The following DST variants were observed in gnomAD, a reference collection of about 807,000 sequenced individuals.
DST encodes the protein bullous pemphigoid antigen.
In DST, 253 loss-of-function variants were observed where a neutral mutation model predicts 875.2. The ratio of observed to expected loss-of-function variants is 0.29; its 90% CI spans 0.26 to 0.32. The LOEUF (loss-of-function observed/expected upper bound fraction) is 0.32, where lower values mean the gene tolerates loss of function less well. Ranked by LOEUF, DST falls within the 10% of genes least tolerant of loss-of-function variation. The probability of loss-of-function intolerance (pLI) is 1.00; values close to 1 mark genes in which losing one functional copy is unlikely to be tolerated. For synonymous variants in DST, 3,124 were observed against 3,197.1 expected (o/e 0.98, Z 0.77); for missense variants, 8,287 against 9,111.6 (o/e 0.91, Z 3.68).
intron 9 of DST, among the ~76,000 whole-genome samples, chr6:56,687,797 A>G (rs2099198224): frequency 6.6e-6 from 1 of 152,086 alleles, no homozygotes; most frequent in South Asian, 2.1e-4. Context: ...AAAAAAAAAA[A>G]AGTGTGAAAA....
Position 56,553,317 on chromosome 6 carries a change from T to G in DST, c.15475A>C (p.Asn5159His). Residue 5159 changes from asparagine to histidine, a missense_variant, in exon 61 of 104, where the codon AAC (asparagine) becomes CAC (histidine). Physicochemically the swap from Asn to His is moderately conservative, Grantham distance 68. Around this residue, in one of 10 missense-constraint regions of DST, gnomAD observed 1,513 missense variants for 1,677.8 expected, o/e 0.90. Transcript: ENST00000680361. Reference sequence around the variant, plus strand: ...TTTTCCAATGACTCTTTTAACTTGTTTTCTCTTTCTTTCACCTGCTTATTA... The same window carrying G: ...TTTTCCAATGACTCTTTTAACTTGTGTTCTCTTTCTTTCACCTGCTTATTA... ...TFNKQVKERE[N>H]KLKESLEKAL... 6.2e-7 allele frequency: 1 copy of G among 1,612,834 alleles called. No homozygotes were observed. The highest frequency in any genetic ancestry group is 8.5e-7 in the Non-Finnish European group (1 of 1,179,720).
At chr6:56,501,040 G>A (rs1304976307) in intron 80 of DST, 40 bp downstream of exon 80, 8 of 1,591,218 alleles carry the variant, frequency 5.0e-6, no homozygotes, top group South Asian at 3.4e-5. Flanking sequence ...CACTAGAAAT[G>A]GACAGAGAAG....
At chr6:56,616,756 G>C (rs568676929) in intron 36 of DST, 2 of 1,614,174 alleles carry the variant, frequency 1.2e-6, no homozygotes, top group South Asian at 2.2e-5. Context: ...CTTTTTGTCT[G>C]TCAAGCATTC....
In DST at chr6:56,606,545, C is replaced by A; in HGVS notation, c.8083G>T (p.Val2695Phe). ...AHCLQDFLMD[V>F]EKDELDSGEK... ...CCAGAATCTAATTCATCTTTCTCAA[C>A]ATCCATAAGGAAATCCTGAAGACAA... The change falls in exon 40 of 104, where the codon GTT (valine) becomes TTT (phenylalanine). Residue 2695 changes from valine to phenylalanine, a missense_variant. Physicochemically the swap from Val to Phe is conservative, Grantham distance 50. Coordinates refer to ENST00000680361, the MANE Select transcript of DST (RefSeq NM_001374736.1). 1.2e-6 allele frequency: 2 copies of A among 1,613,504 alleles called. No homozygotes were observed. Among genetic ancestry groups the A allele is most frequent in the Non-Finnish European group, 1.7e-6 (2 of 1,179,598 alleles).
chr6:56,650,595 G>A (rs1436197885), intron 12 of DST, among the ~76,000 whole-genome samples: 1 of 152,052 alleles, frequency 6.6e-6, no homozygotes, highest in African/African-American at 2.4e-5. Context: ...ACATACAAAA[G>A]AATAGCAAAT....
Position 56,528,910 on chromosome 6 carries a change from T to C in DST, c.17611A>G (p.Ile5871Val), listed in dbSNP as rs775689042. 5.7e-6 allele frequency: 9 copies of C among 1,583,880 alleles called. No individual in the cohort carries two copies. The South Asian group carries it at 6.9e-5, about 12-fold the overall frequency. The change falls in exon 67 of 104, where the codon ATC becomes GTC. Residue 5871 changes from isoleucine to valine, a missense_variant. Ile to Val is a conservative substitution (Grantham distance 29). Transcript: ENST00000680361. ...QSELRVLQEDILLRKQNVDQA... is the reference protein window; with the variant it reads ...QSELRVLQEDVLLRKQNVDQA... ...TCTACATTTTGTTTCCTGAGTAAGA[T>C]GTCCTCTTGCAGAACCTGAAAACAC...
At chr6:56,524,449 C>G (rs2152502394) in intron 69 of DST, among the ~76,000 whole-genome samples, 1 of 152,064 alleles carries the variant, frequency 6.6e-6, no homozygotes, top group Admixed American at 6.6e-5. Flanking sequence ...AAGGGTTTTT[C>G]TCTATATATA....
chr6:56,728,394 T>C (rs1275294130), intron 5 of DST, among the ~76,000 whole-genome samples: 5 of 152,230 alleles, frequency 3.3e-5, no homozygotes, highest in South Asian at 2.1e-4. Context: ...AAAAAGGCTA[T>C]AGAAACTGTT....
chr6:56,512,079 C>T (rs956258860), intron 72 of DST, among the ~76,000 whole-genome samples: 18 of 152,170 alleles, frequency 1.2e-4, no homozygotes, highest in African/African-American at 4.1e-4. Context: ...TATAGACACA[C>T]ATATGAATGA....
At chr6:56,560,165 T>A in intron 58 of DST, 129 bp downstream of exon 58, 1 of 951,228 alleles carries the variant, frequency 1.1e-6, no homozygotes, top group Non-Finnish European at 1.5e-6. Context: ...ATGCAAAAAA[T>A]AGATTCTGAA....
At chr6:56,846,908 T>C (rs1418207252) in intron 4 of DST, among the ~76,000 whole-genome samples, 7 of 143,626 alleles carry the variant, frequency 4.9e-5, no homozygotes, top group Admixed American at 2.2e-4. Context: ...GAGGCTATGG[T>C]GGGAGGATCG....
chr6:56,806,354 G>C (rs2099752948), intron 4 of DST, among the ~76,000 whole-genome samples: 1 of 152,158 alleles, frequency 6.6e-6, no homozygotes, highest in Non-Finnish European at 1.5e-5. Context: ...CACATAGTAG[G>C]AGAGATTAAG....
chr6:56,703,387 T>A (rs1047869296), intron 7 of DST, among the ~76,000 whole-genome samples: 2 of 152,216 alleles, frequency 1.3e-5, no homozygotes, highest in African/African-American at 4.8e-5. Context: ...TGCCATCATG[T>A]ACTTTAAGTC....
At chr6:56,611,948 CAAAAAG>C (rs901894923) in intron 37 of DST, among the ~76,000 whole-genome samples, 3 of 152,182 alleles carry the variant, frequency 2.0e-5, no homozygotes, top group Admixed American at 2.0e-4. Flanking sequence ...CTGCAGTCCT[CAAAAAG>C]ACACATGACT....
chr6:56,638,632 T>C (rs2098847505), intron 22 of DST, among the ~76,000 whole-genome samples: 1 of 152,162 alleles, frequency 6.6e-6, no homozygotes. Context: ...ATATACAATT[T>C]AAAACATTGT....
chr6:56,702,800 TC>T (rs1159257775), intron 7 of DST, among the ~76,000 whole-genome samples: 1 of 152,122 alleles, frequency 6.6e-6, no homozygotes. Flanking sequence ...TCACATAAAA[TC>T]TTCCAAAGGT....
rs149346715 is a variant in DST, at chr6:56,673,277, A to C, written c.1048-2470T>G. 7.7e-3 allele frequency among the ~76,000 whole-genome samples: 1,173 copies of C among 152,252 alleles called. 16 individuals carry two copies. The highest frequency in any genetic ancestry group is 0.027 in the African/African-American group (1,110 of 41,552). On this transcript the variant is annotated intron_variant, in intron 9 of 103. Coordinates refer to ENST00000680361, the MANE Select transcript of DST (RefSeq NM_001374736.1). ...CAAAACAAAACAAAACAAAACAAAA[A>C]AAGAAATAAAAGAAAAGAAAAAGTT...
intron 5 of DST, among the ~76,000 whole-genome samples, chr6:56,704,744 T>A (rs1484156514): frequency 1.3e-5 from 2 of 152,180 alleles, no homozygotes; most frequent in Non-Finnish European, 2.9e-5. Flanking sequence ...CCCCCGCAGT[T>A]GATCTTCTAC....
intron 85 of DST, among the ~76,000 whole-genome samples, chr6:56,490,348 G>A (rs1234527776): frequency 6.6e-6 from 1 of 151,960 alleles, no homozygotes; most frequent in Non-Finnish European, 1.5e-5. Flanking sequence ...GAACCAGCAG[G>A]TACTATTTTC....
Sources: allele counts gnomAD v4.1 joint callset (sites outside exome capture counted in the v4.1 genomes callset), GRCh38; gene constraint gnomAD v4.1.1; regional missense constraint gnomAD v4.1.1; transcripts MANE v1.5; gene names NCBI Gene and HGNC (gene_info 2026-07-23, HGNC 2026-07-21).